Variants in PDE3B observed in about 807,000 individuals in gnomAD.
PDE3B encodes the protein cGMP-inhibited 3',5'-cyclic phosphodiesterase 3B.
Under a neutral mutation model 116.8 loss-of-function variants are expected in PDE3B, and 66 were observed. The observed-to-expected ratio is 0.56, with a 90% CI of 0.46 to 0.69. PDE3B has a LOEUF of 0.69. PDE3B is among the 30% of genes least tolerant of loss of function. The pLI, the probability that PDE3B is intolerant of heterozygous loss-of-function variation, is 0.00. For synonymous variants in PDE3B, 595 were observed against 533.6 expected (o/e 1.12, Z -1.59); for missense variants, 1,384 against 1,368.1 (o/e 1.01, Z -0.18).
At chr11:14,834,836 C>A (rs1860004071) in intron 10 of PDE3B, 146 bp from the exon 11 acceptor site, 1 of 464,540 alleles carries the variant, frequency 2.2e-6, no homozygotes, top group East Asian at 3.3e-5. Context: ...TTTAATACAT[C>A]AAGAGACTTT....
the PDE3B span, among the ~76,000 whole-genome samples, chr11:14,895,891 A>G: frequency 6.6e-6 from 1 of 152,214 alleles, no homozygotes; most frequent in African/African-American, 2.4e-5. Context: ...AATGAGGGAC[A>G]TGATGACATG....
rs1856514257 is a variant in PDE3B at position 14,733,374 on chromosome 11, TTC to T, written c.979-38557_979-38556del. Among the ~76,000 whole-genome samples, 3 of 152,292 alleles carry T rather than the reference TTC, an allele frequency of 2.0e-5. No homozygotes were observed. In the South Asian group the frequency reaches 6.2e-4, roughly 32 times the overall value. ...TCTGTCTCCTGTCTTTTCCTGCGCA[TTC>T]TCTCTTTTACTCCCAACCTCTCTTG... On this transcript the variant is annotated intron_variant, in intron 1 of 15. Transcript: ENST00000282096.
intron 1 of PDE3B, among the ~76,000 whole-genome samples, chr11:14,722,080 G>T (rs993406208): frequency 4.7e-4 from 69 of 146,722 alleles, no homozygotes; most frequent in African/African-American, 1.7e-3. Flanking sequence ...AACACCGCAT[G>T]TTCTCACTCA....
chr11:14,806,793 A>G (rs375972391), intron 5 of PDE3B, among the ~76,000 whole-genome samples: 20 of 141,928 alleles, frequency 1.4e-4, no homozygotes, highest in East Asian at 1.1e-3. Context: ...CGGGAGGCGG[A>G]GCTTGCAGTG....
chr11:14,831,960 A>G (rs1389505029), intron 9 of PDE3B, among the ~76,000 whole-genome samples, 183 bp downstream of exon 9: 1 of 152,134 alleles, frequency 6.6e-6, no homozygotes, highest in African/African-American at 2.4e-5. Flanking sequence ...TCATACTATT[A>G]TATATATGAC....
Position 14,861,206 on chromosome 11 carries a change from C to T in PDE3B, c.2726C>T (p.Ala909Val). The T allele has an allele frequency of 6.2e-7, 1 of 1,602,958 alleles. No homozygotes were observed. Among genetic ancestry groups the T allele is most frequent in the Non-Finnish European group, 8.5e-7 (1 of 1,172,936 alleles). Reference protein sequence around the residue: ...FDFLAEFNAKANDVNSNGIEW... With the variant: ...FDFLAEFNAKVNDVNSNGIEW... ...AATGATGTTGTTTTTCCAAAATAGGCAAATGATGTAAATAGTAATGGCATA... is the reference window on the plus strand; with the variant it reads ...AATGATGTTGTTTTTCCAAAATAGGTAAATGATGTAAATAGTAATGGCATA... Residue 909 changes from alanine (A) to valine (V), a missense_variant and splice_region_variant, in exon 14 of 16, where the codon GCA becomes GTA. Coordinates refer to ENST00000282096, the MANE Select transcript of PDE3B (RefSeq NM_000922.4).
At chr11:14,819,496 G>C (rs1291417961) in intron 7 of PDE3B, among the ~76,000 whole-genome samples, 3 of 152,100 alleles carry the variant, frequency 2.0e-5, no homozygotes. Flanking sequence ...GAAATTTGTA[G>C]TGCACAATCT....
chr11:14,808,118 C>G lies in PDE3B; in HGVS notation c.1522+4068C>G, dbSNP rs1859005127. Among the ~76,000 whole-genome samples, 8 of 149,990 alleles carry G rather than the reference C, an allele frequency of 5.3e-5. No individual in the cohort carries two copies. In the South Asian group the frequency reaches 1.7e-3, roughly 31 times the overall value. On this transcript the variant is annotated intron_variant, in intron 5 of 15. Transcript: ENST00000282096. Reference sequence around the variant, plus strand: ...CTCATTGGTTGATGTCCAAATTATACTGATCCCCCCAGGGATGACTTCTAG... The same window carrying G: ...CTCATTGGTTGATGTCCAAATTATAGTGATCCCCCCAGGGATGACTTCTAG...
At chr11:14,683,260 T>A (rs1854767161) in intron 1 of PDE3B, among the ~76,000 whole-genome samples, 1 of 152,130 alleles carries the variant, frequency 6.6e-6, no homozygotes. Context: ...CTTTTAATGT[T>A]GGGTTGAATT....
chr11:14,794,905 C>A (rs545092630), intron 4 of PDE3B, among the ~76,000 whole-genome samples: 2 of 152,146 alleles, frequency 1.3e-5, no homozygotes, highest in Non-Finnish European at 2.9e-5. Flanking sequence ...ATACAAAGGA[C>A]AGGTCTGGAA....
chr11:14,661,425 C>A (rs1024450551), intron 1 of PDE3B, among the ~76,000 whole-genome samples: 4 of 152,224 alleles, frequency 2.6e-5, no homozygotes, highest in African/African-American at 4.8e-5. Flanking sequence ...GTACTGGGTT[C>A]ATCTCACTAG....
At chr11:14,663,866 A>G (rs1256039707) in intron 1 of PDE3B, among the ~76,000 whole-genome samples, 1 of 152,220 alleles carries the variant, frequency 6.6e-6, no homozygotes, top group Non-Finnish European at 1.5e-5. Context: ...ACAAGACAGA[A>G]AGTTAACAAG....
At chr11:14,748,503 T>G (rs973591781) in intron 1 of PDE3B, among the ~76,000 whole-genome samples, 2 of 152,216 alleles carry the variant, frequency 1.3e-5, no homozygotes, top group African/African-American at 4.8e-5. Flanking sequence ...ATTCTTTTCA[T>G]TTTTGTGAAA....
intron 1 of PDE3B, among the ~76,000 whole-genome samples, chr11:14,678,774 T>G (rs1210610399): frequency 6.6e-6 from 1 of 152,202 alleles, no homozygotes; most frequent in East Asian, 1.9e-4. Context: ...AAGTTCAGTT[T>G]TTCAATTTTT....
intron 2 of PDE3B, among the ~76,000 whole-genome samples, chr11:14,784,878 C>CT (rs1171882510): frequency 6.6e-6 from 1 of 151,960 alleles, no homozygotes; most frequent in Admixed American, 6.6e-5. Flanking sequence ...GTGATTTGTT[C>CT]TTTCCTAATT....
At chr11:14,681,010 T>C (rs1235827588) in intron 1 of PDE3B, among the ~76,000 whole-genome samples, 1 of 152,176 alleles carries the variant, frequency 6.6e-6, no homozygotes, top group Non-Finnish European at 1.5e-5. Context: ...GTTGAAAATA[T>C]TGTAAGCCAA....
chr11:14,715,896 T>C, intron 1 of PDE3B, among the ~76,000 whole-genome samples: 1 of 151,878 alleles, frequency 6.6e-6, no homozygotes, highest in East Asian at 1.9e-4. Context: ...ATTAAGAAAA[T>C]GTGGCACATA....
Position 14,666,387 on chromosome 11 carries a change from T to G in PDE3B, c.978+21334T>G, listed in dbSNP as rs577450659. ...CATAGGCATGGGCAAGGACTTCATG[T>G]CTAAAACACCAAAAGCAATGGCAAC... On this transcript the variant is annotated intron_variant, in intron 1 of 15. Coordinates refer to ENST00000282096, the MANE Select transcript of PDE3B (RefSeq NM_000922.4). Among the ~76,000 whole-genome samples the G allele has an allele frequency of 2.1e-4, 32 of 151,784 alleles. 2 individuals are homozygous for G. The South Asian group carries it at 6.5e-3, about 31-fold the overall frequency.
At chr11:14,708,317 G>A (rs1855592487) in intron 1 of PDE3B, among the ~76,000 whole-genome samples, 1 of 152,010 alleles carries the variant, frequency 6.6e-6, no homozygotes, top group African/African-American at 2.4e-5. Context: ...AGATGCAGAT[G>A]TCCATTCTTG....
Sources: allele counts gnomAD v4.1 joint callset (sites outside exome capture counted in the v4.1 genomes callset), GRCh38; gene constraint gnomAD v4.1.1; transcripts MANE v1.5; gene names NCBI Gene and HGNC (gene_info 2026-07-23, HGNC 2026-07-21).